Variants in LRP4 observed in about 807,000 individuals in gnomAD.
LRP4 encodes the protein LDL receptor related protein 4, also known as low-density lipoprotein receptor-related protein 4.
In LRP4, 95 loss-of-function variants were observed where a neutral mutation model predicts 220.3. The ratio of observed to expected loss-of-function variants is 0.43; its 90% confidence interval spans 0.37 to 0.51. The LOEUF (loss-of-function observed/expected upper bound fraction) is 0.51. Among genes scored for constraint, LRP4 ranks in the 20% least tolerant of loss-of-function variants. The pLI is 0.00. For missense variants in LRP4, 1,925 were observed against 2,567.0 expected (o/e 0.75, Z 5.40); for synonymous variants, 903 against 954.6 (o/e 0.95, Z 1.00).
chr11:46,866,139 A>G (rs1434803785), intron 34 of LRP4, among the ~76,000 whole-genome samples: 1 of 143,366 alleles, frequency 7.0e-6, no homozygotes, highest in African/African-American at 2.6e-5. Context: ...GTTGCAGTGG[A>G]AAAAAAAAAA....
In LRP4 at chr11:46,898,997, C is replaced by G; in HGVS notation, c.583G>C (p.Glu195Gln). ...CAGCGTCCATAGGCACACTGGAACTCCTCCAGGTTGCAGGGGGGCGCTGGC... is the reference window on the plus strand; with the variant it reads ...CAGCGTCCATAGGCACACTGGAACTGCTCCAGGTTGCAGGGGGGCGCTGGC... ...AVPAPPCNLE[E>Q]FQCAYGRCIL... is the part of the protein sequence containing the mutation. Residue 195 changes from glutamate to glutamine, a missense_variant, in exon 6 of 38, where the codon GAG (glutamate) becomes CAG (glutamine). Around this residue, in one of 3 missense-constraint regions of LRP4, gnomAD observed 412 missense variants for 505.4 expected, o/e 0.82. Transcript: ENST00000378623. 6.2e-7 allele frequency: 1 copy of G among 1,613,602 alleles called. No homozygotes were observed. Among genetic ancestry groups the G allele is most frequent in the Non-Finnish European group, 8.5e-7 (1 of 1,179,906 alleles).
rs184587470 is a variant in LRP4 at position 46,903,582 on chromosome 11, A to G, written c.53-653T>C. 2.6e-5 allele frequency among the ~76,000 whole-genome samples: 4 copies of G among 152,308 alleles called. No homozygotes were observed. In the East Asian group the frequency reaches 7.7e-4, roughly 29 times the overall value. On this transcript the variant is annotated intron_variant, in intron 1 of 37. Coordinates refer to ENST00000378623, the MANE Select transcript of LRP4 (RefSeq NM_002334.4). ...TTTGAAGAAGAGGAACAAGGGACAG[A>G]AAGGGTGATGTTGAGAGGCCTCCAT...
At position 46,871,647 on chromosome 11, in the gene LRP4, GAA is replaced by G. The variant is rs768340393; in HGVS notation, c.4584-16_4584-15del. 9.0e-6 allele frequency: 14 copies of G among 1,559,464 alleles called. No homozygotes were observed. The highest frequency in any genetic ancestry group is 1.1e-5 in the Non-Finnish European group (12 of 1,136,808). On this transcript the variant is annotated splice_polypyrimidine_tract_variant and intron_variant, in intron 30 of 37. Coordinates refer to ENST00000378623, the MANE Select transcript of LRP4 (RefSeq NM_002334.4). ...ACCCAGTAGATCCTGCGAAGAAAAT[GAA>G]AAGAGTGGCTGCTCCAAACGCTTGC...
At position 46,896,531 on chromosome 11, in the gene LRP4, T is replaced by C. The variant is rs146628754; in HGVS notation, c.923-196A>G. Among the ~76,000 whole-genome samples the C allele has an allele frequency of 5.9e-5, 9 of 152,256 alleles. 1 individual carries two copies. The East Asian group carries it at 1.7e-3, about 29-fold the overall frequency. On this transcript the variant is annotated intron_variant, in intron 8 of 37. Transcript: ENST00000378623. Reference sequence around the variant, plus strand: ...TTCTCCCCAGGACTCCACAGTGGGATGGTGAGGAATATGGAACAGAATGAA... The same window carrying C: ...TTCTCCCCAGGACTCCACAGTGGGACGGTGAGGAATATGGAACAGAATGAA...
Position 46,890,164 on chromosome 11 carries a change from A to T in LRP4, c.1916-44T>A. The T allele has an allele frequency of 6.2e-7, 1 of 1,609,490 alleles. No homozygotes were observed. The highest frequency in any genetic ancestry group is 8.5e-7 in the Non-Finnish European group (1 of 1,176,026). The stretch of plus-strand genomic sequence containing the variant: ...GACCTCAGTCTGGACGTGGTCTGCC[A>T]TGTCCCCTGGGCCCAGGCCTGGCAA... On this transcript the variant is annotated intron_variant, in intron 14 of 37. Transcript: ENST00000378623. The surrounding 1 kb of genome is among the most constrained non-coding windows in gnomAD (Gnocchi z 5.3).
Position 46,868,048 on chromosome 11 carries a change from T to C in LRP4, c.5018A>G (p.Asn1673Ser), listed in dbSNP as rs1190070901. ...AGAATACAAGGTGGTAGGTGGTGTG[T>C]TGGGTAGCACTGGGCTCTTTTCACT... ...GMSEKSPVLP[N>S]TPPTTLYSST... Residue 1673 changes from asparagine (N) to serine (S), a missense_variant, in exon 34 of 38, where the codon AAC becomes AGC. Physicochemically the swap from Asn to Ser is conservative, Grantham distance 46. Around this residue, in one of 3 missense-constraint regions of LRP4, gnomAD observed 1,244 missense variants for 1,624.9 expected, o/e 0.77. Transcript: ENST00000378623. 9 of 1,614,032 alleles carry C rather than the reference T, an allele frequency of 5.6e-6. No homozygotes were observed. The highest frequency in any genetic ancestry group is 4.5e-5 in the East Asian group (2 of 44,888).
chr11:46,897,987 C>A, intron 7 of LRP4, among the ~76,000 whole-genome samples: 1 of 137,686 alleles, frequency 7.3e-6, no homozygotes, highest in Non-Finnish European at 1.6e-5. Context: ...GACGGGGCGG[C>A]TGGCCGGGCG....
intron 37 of LRP4, among the ~76,000 whole-genome samples, chr11:46,859,930 G>A (rs964108916): frequency 6.6e-6 from 1 of 152,082 alleles, no homozygotes; most frequent in Admixed American, 6.6e-5. Context: ...TAAGACAGGG[G>A]ACTCTAGAAA....
At chr11:46,878,361 C>G (rs1043575189) in intron 22 of LRP4, among the ~76,000 whole-genome samples, 1 of 148,448 alleles carries the variant, frequency 6.7e-6, no homozygotes. Flanking sequence ...CTCACTGCAA[C>G]CTTCACCTCC....
chr11:46,885,028 T>A (rs1209589853), intron 18 of LRP4, among the ~76,000 whole-genome samples: 1 of 152,166 alleles, frequency 6.6e-6, no homozygotes, highest in Non-Finnish European at 1.5e-5. Context: ...CTCTGTTGCC[T>A]AGATTGGCAT....
rs1940450656 is a variant in LRP4 at position 46,858,818 on chromosome 11, G to C, written c.*165C>G. 1 of 701,186 alleles carries C rather than the reference G, an allele frequency of 1.4e-6. No homozygotes were observed. The highest frequency in any genetic ancestry group is 1.7e-5 in the African/African-American group (1 of 57,274). The allele number at this position is 701,186 out of a possible 1,614,324, so 43.4% of individuals were successfully genotyped here. ...TCATTTCTTGTGCACAGGTAGTTAT[G>C]GACTCACGTGGTAAACAGCTCCGGT... On this transcript the variant is annotated 3_prime_UTR_variant, in exon 38 of 38. Transcript: ENST00000378623.
rs143201898 is a variant in LRP4 at position 46,859,581 on chromosome 11, A to G, written c.5386-266T>C. On this transcript the variant is annotated intron_variant, in intron 37 of 37. Transcript: ENST00000378623. ...GCAGCAGCCACTCACTGGCTTTGTC[A>G]CCTTAGGCAAATTATTTCACATTTC... 1.6e-4 allele frequency among the ~76,000 whole-genome samples: 24 copies of G among 152,264 alleles called. No individual in the cohort carries two copies. In the East Asian group the frequency reaches 4.4e-3, roughly 28 times the overall value.
At chr11:46,878,341 G>A (rs946540644) in intron 22 of LRP4, among the ~76,000 whole-genome samples, 5 of 136,818 alleles carry the variant, frequency 3.7e-5, no homozygotes, top group African/African-American at 5.4e-5. Context: ...GTGCAGTGGC[G>A]TGATCTCTGC....
At chr11:46,870,083 G>T (rs551950422) in intron 31 of LRP4, among the ~76,000 whole-genome samples, 25 of 150,824 alleles carry the variant, frequency 1.7e-4, no homozygotes, top group African/African-American at 6.1e-4. Flanking sequence ...TCCAGCCTGG[G>T]TGACAGAGCG....
At chr11:46,889,045 A>T (rs1226983183) in intron 16 of LRP4, among the ~76,000 whole-genome samples, 3 of 152,248 alleles carry the variant, frequency 2.0e-5, no homozygotes, top group African/African-American at 7.2e-5. Flanking sequence ...GCCGAAAGAA[A>T]GTCTTCAACA....
intron 1 of LRP4, among the ~76,000 whole-genome samples, chr11:46,913,472 C>T (rs1403282495): frequency 2.6e-5 from 4 of 152,148 alleles, no homozygotes; most frequent in African/African-American, 4.8e-5. Flanking sequence ...CTATTCGGGG[C>T]TGGAGACCCA....
chr11:46,889,693 G>A, intron 15 of LRP4, 160 bp from the exon 16 acceptor site: 5 of 962,714 alleles, frequency 5.2e-6, no homozygotes, highest in South Asian at 1.4e-5. Flanking sequence ...TGAGTACCCG[G>A]CACAGAGGAG....
chr11:46,880,300 CAAAA>C (rs34098785), intron 20 of LRP4, among the ~76,000 whole-genome samples: 3 of 84,300 alleles, frequency 3.6e-5, no homozygotes, highest in Non-Finnish European at 4.9e-5. Flanking sequence ...ACTGCAGTCT[CAAAA>C]AAAAAAAAAA....
At position 46,875,200 on chromosome 11, in the gene LRP4, A is replaced by G. The variant is rs970080690; in HGVS notation, c.3926-97T>C. 3.9e-5 allele frequency: 51 copies of G among 1,302,034 alleles called. No homozygotes were observed. The highest frequency in any genetic ancestry group is 5.0e-5 in the Non-Finnish European group (46 of 929,212). 80.7% of individuals were successfully genotyped at this position (1,302,034 alleles called of 1,614,324 possible). ...TTTGTGGCTGGCTCTTTGCTGTTCT[A>G]AGTGACAGGATTCAGTGCCTGGCAG... On this transcript the variant is annotated intron_variant, in intron 27 of 37. Coordinates refer to ENST00000378623, the MANE Select transcript of LRP4 (RefSeq NM_002334.4). This position sits in a 1 kb window ranked among gnomAD's most constrained non-coding sequence, Gnocchi z 4.5.
Sources: gnomAD v4.1 joint callset for allele counts (sites outside exome capture counted in the v4.1 genomes callset) on GRCh38, gnomAD v4.1.1 for gene constraint, gnomAD v4.1.1 regional missense constraint, Gnocchi (gnomAD v3.1) non-coding constraint, MANE v1.5 for transcripts, NCBI Gene and HGNC (gene_info 2026-07-23, HGNC 2026-07-21) for gene names.